The following GPR20 variants were observed in gnomAD, a reference collection of about 807,000 sequenced individuals.
GPR20 encodes CTD-3064M3.3.
For missense variants in GPR20, 494 were observed against 527.4 expected, an observed-to-expected ratio of 0.94 and a Z score of 0.62; for synonymous variants, 241 against 241.9, an observed-to-expected ratio of 1.00 and a Z score of 0.04.
At chr8:141,359,740 A>T (rs1173537275) in intron 1 of GPR20, among the ~76,000 whole-genome samples, 1 of 152,116 alleles carries the variant, frequency 6.6e-6, no homozygotes, top group Non-Finnish European at 1.5e-5. Flanking sequence ...GGGGGCTGGG[A>T]ACCTGGCGTC....
chr8:141,356,502 TAATCAATGG>T lies in GPR20; in HGVS notation c.*336_*344del, dbSNP rs1831638076. The T allele has an allele frequency of 3.0e-6, 1 of 334,012 alleles. No individual in the cohort carries two copies. Among genetic ancestry groups the T allele is most frequent in the Admixed American group, 4.7e-5 (1 of 21,106 alleles). The allele number at this position is 334,012 out of a possible 1,614,324, so 20.7% of individuals were successfully genotyped here. ...TTTTTTCTTTTTCATCTCATCCTTCTAATCAATGGAATCCACTGTGCCCTTTTTTCTGAG... is the reference window on the plus strand; with the variant it reads ...TTTTTTCTTTTTCATCTCATCCTTCTAATCCACTGTGCCCTTTTTTCTGAG... On this transcript the variant is annotated 3_prime_UTR_variant, in exon 2 of 2. Coordinates refer to ENST00000377741, the MANE Select transcript of GPR20 (RefSeq NM_005293.3).
intron 1 of GPR20, among the ~76,000 whole-genome samples, chr8:141,362,034 G>T (rs766496208): frequency 1.3e-5 from 2 of 152,196 alleles, no homozygotes; most frequent in Non-Finnish European, 2.9e-5. Flanking sequence ...TGGGTTGGGG[G>T]TTCTCCCTGG....
chr8:141,360,132 C>G (rs995903805), intron 1 of GPR20, among the ~76,000 whole-genome samples: 8 of 152,126 alleles, frequency 5.3e-5, no homozygotes, highest in African/African-American at 1.9e-4. Flanking sequence ...GCTCTGCGGT[C>G]TCTGGAGCTG....
Position 141,356,919 on chromosome 8 carries a change from T to C in GPR20, c.1005A>G (p.Ser335=). ...VVSMHRSSKG[S]GRHHILSAGP... ...CGGCACTGAGGATGTGATGACGGCC[T>C]GAGCCCTTGGAGCTCCTGTGCATGC... The change falls in exon 2 of 2, where the codon TCA becomes TCG. Residue 335 remains serine (S), a synonymous_variant. Transcript: ENST00000377741. 1 of 1,612,328 alleles carries C rather than the reference T, an allele frequency of 6.2e-7. No individual in the cohort carries two copies. Among genetic ancestry groups the C allele is most frequent in the South Asian group, 1.1e-5 (1 of 91,076 alleles).
In GPR20 at chr8:141,357,581, C is replaced by T. The variant is rs147333228; in HGVS notation, c.343G>A (p.Gly115Ser). 6.8e-6 allele frequency: 11 copies of T among 1,613,808 alleles called. No individual in the cohort carries two copies. Among genetic ancestry groups the T allele is most frequent in the African/African-American group, 4.0e-5 (3 of 74,956 alleles). Residue 115 changes from glycine to serine, a missense_variant, in exon 2 of 2, where the codon GGC (glycine) becomes AGC (serine). Coordinates refer to ENST00000377741, the MANE Select transcript of GPR20 (RefSeq NM_005293.3). ...GCACAGCGCAGGCAGCCCCTGGCGC[C>T]GTAGTACACAGCGAAGCGCGTGGGC... ...SLPTRFAVYY[G>S]ARGCLRCAFP... is the part of the protein sequence containing the mutation.
At chr8:141,361,400 GACTATGTGGCCTT>G (rs1178131077) in intron 1 of GPR20, among the ~76,000 whole-genome samples, 9 of 152,246 alleles carry the variant, frequency 5.9e-5, no homozygotes, top group Non-Finnish European at 1.2e-4. Flanking sequence ...TCTCTGAACG[GACTATGTGGCCTT>G]ACAGTCTCTG....
rs950156521 is a variant in GPR20, at chr8:141,356,706, C to T, written c.*141G>A. ...TGCTAATCAACCACAGCACAGTGGCCTTAGACGCTCAATGCGGTGCTCTGG... is the reference window on the plus strand; with the variant it reads ...TGCTAATCAACCACAGCACAGTGGCTTTAGACGCTCAATGCGGTGCTCTGG... On this transcript the variant is annotated 3_prime_UTR_variant, in exon 2 of 2. Transcript: ENST00000377741. The T allele has an allele frequency of 3.3e-6, 2 of 614,298 alleles. No individual in the cohort carries two copies. Among genetic ancestry groups the T allele is most frequent in the East Asian group, 2.8e-5 (1 of 35,844 alleles). The allele number at this position is 614,298 out of a possible 1,614,324, so 38.1% of individuals were successfully genotyped here.
chr8:141,365,337 A>C (rs7463775), intron 1 of GPR20, among the ~76,000 whole-genome samples: 20,197 of 152,120 alleles, frequency 0.13, 2,962 homozygotes, highest in African/African-American at 0.37. Context: ...CAGAGGGGCT[A>C]AGTCATGTGT....
chr8:141,358,897 G>A (rs1831692517), intron 1 of GPR20, among the ~76,000 whole-genome samples: 1 of 151,510 alleles, frequency 6.6e-6, no homozygotes, highest in South Asian at 2.1e-4. Context: ...GTCTGGCCTG[G>A]GCAGGGGGGC....
Position 141,356,620 on chromosome 8 carries a change from C to T in GPR20, c.*227G>A. On this transcript the variant is annotated 3_prime_UTR_variant, in exon 2 of 2. Transcript: ENST00000377741. ...AGTTTTCAGTGGACGTGCTATACCC[C>T]AGGAACAGCAAATCACCGGCATTCA... The T allele has an allele frequency of 2.0e-6, 1 of 495,706 alleles. No individual in the cohort carries two copies. Among genetic ancestry groups the T allele is most frequent in the Non-Finnish European group, 3.5e-6 (1 of 281,988 alleles). The allele number at this position is 495,706 out of a possible 1,614,324, so 30.7% of individuals were successfully genotyped here.
intron 1 of GPR20, among the ~76,000 whole-genome samples, chr8:141,358,267 G>GT (rs2154616553): frequency 6.6e-6 from 1 of 152,364 alleles, no homozygotes. Flanking sequence ...AACACGTGCG[G>GT]TGCAGGGCTG....
At chr8:141,360,428 G>A (rs1831715889) in intron 1 of GPR20, among the ~76,000 whole-genome samples, 1 of 152,150 alleles carries the variant, frequency 6.6e-6, no homozygotes, top group Non-Finnish European at 1.5e-5. Flanking sequence ...CCACGACCTG[G>A]GCCCTCAGCC....
chr8:141,358,036 C>T, intron 1 of GPR20, 89 bp from the exon 2 acceptor site: 1 of 660,846 alleles, frequency 1.5e-6, no homozygotes, highest in Non-Finnish European at 2.5e-6. Context: ...CCGTCTGCCC[C>T]TGCACGCCCA....
At chr8:141,363,878 G>C (rs1204018779) in intron 1 of GPR20, among the ~76,000 whole-genome samples, 1 of 152,252 alleles carries the variant, frequency 6.6e-6, no homozygotes, top group Non-Finnish European at 1.5e-5. Context: ...AGCCTGCCTG[G>C]GGGTCTGGCT....
Position 141,357,825 on chromosome 8 carries a change from G to T in GPR20, c.99C>A (p.Pro33=). The part of the protein sequence containing the change: ...VRTNASGLEV[P]LFHLFARLDE... Reference sequence around the variant, plus strand: ...CCAGCCGGGCAAACAGGTGGAACAGGGGCACCTCCAGCCCGCTGGCATTGG... The same window carrying T: ...CCAGCCGGGCAAACAGGTGGAACAGTGGCACCTCCAGCCCGCTGGCATTGG... The change falls in exon 2 of 2, where the codon CCC becomes CCA. Residue 33 remains proline, a synonymous_variant. Coordinates refer to ENST00000377741, the MANE Select transcript of GPR20 (RefSeq NM_005293.3). 6.2e-7 allele frequency: 1 copy of T among 1,613,222 alleles called. No homozygotes were observed.
Position 141,357,003 on chromosome 8 carries a change from G to A in GPR20, c.921C>T (p.Thr307=), listed in dbSNP as rs199902693. 7.9e-5 allele frequency: 127 copies of A among 1,613,030 alleles called. 1 individual carries two copies. In the South Asian group the frequency reaches 1.2e-3, roughly 15 times the overall value. Residue 307 remains threonine (T), a synonymous_variant, in exon 2 of 2, where the codon ACC becomes ACT. Transcript: ENST00000377741. ...YCFVTSGFQA[T]VRGLFGQHGE... ...CGTGCTGGCCGAAGAGGCCTCGGAC[G>A]GTGGCCTGGAAGCCACTGGTGACGA...
In GPR20 at chr8:141,361,841, T is replaced by C. The variant is rs575198384; in HGVS notation, c.-24-3894A>G. ...TTTCTTTTCTGTTTCTGGCCCACCC[T>C]TCCGGGTGGGCAGACCCCCAGAGCC... On this transcript the variant is annotated intron_variant, in intron 1 of 1. Coordinates refer to ENST00000377741, the MANE Select transcript of GPR20 (RefSeq NM_005293.3). Among the ~76,000 whole-genome samples, 549 of 152,064 alleles carry C rather than the reference T, an allele frequency of 3.6e-3. 7 individuals are homozygous for C. Among genetic ancestry groups the C allele is most frequent in the African/African-American group, 0.013 (530 of 41,436 alleles).
chr8:141,362,533 T>C (rs6994912), intron 1 of GPR20, among the ~76,000 whole-genome samples: 22,057 of 152,196 alleles, frequency 0.14, 5,078 homozygotes, highest in African/African-American at 0.49. Flanking sequence ...AGGTGTGGCC[T>C]GGTTTCTCAA....
chr8:141,362,016 G>A (rs950783080), intron 1 of GPR20, among the ~76,000 whole-genome samples: 1 of 152,222 alleles, frequency 6.6e-6, no homozygotes, highest in African/African-American at 2.4e-5. Context: ...CCTAGGCGGG[G>A]CTGCCGCTGG....
Sources: gnomAD v4.1 joint callset for allele counts (sites outside exome capture counted in the v4.1 genomes callset) on GRCh38, gnomAD v4.1.1 for gene constraint, MANE v1.5 for transcripts, NCBI Gene and HGNC (gene_info 2026-07-23, HGNC 2026-07-21) for gene names.